KCNJ15: variants seen among roughly 807,000 people sequenced by gnomAD.
KCNJ15 encodes ATP-sensitive inward rectifier potassium channel 15.
In KCNJ15, 14 loss-of-function variants were observed where a neutral mutation model predicts 23.0. That is an observed-to-expected ratio of 0.61 (90% CI 0.40 to 0.95). The LOEUF (loss-of-function observed/expected upper bound fraction) is 0.95, where lower values mean the gene tolerates loss of function less well. Among genes scored for constraint, KCNJ15 ranks in the 40% least tolerant of loss-of-function variants. The pLI, the probability that KCNJ15 is intolerant of heterozygous loss-of-function variation, is 0.00. For synonymous variants in KCNJ15, 185 were observed against 183.2 expected (o/e 1.01, Z -0.08); for missense variants, 388 against 461.8 (o/e 0.84, Z 1.46).
chr21:38,306,476 C>T lies in KCNJ15; in HGVS notation c.*6087C>T, dbSNP rs544503706. 2 of 152,004 alleles carry T rather than the reference C, an allele frequency of 1.3e-5. No individual in the cohort carries two copies. Among genetic ancestry groups the T allele is most frequent in the Non-Finnish European group, 2.9e-5 (2 of 68,004 alleles). 9.4% of individuals were successfully genotyped at this position (152,004 alleles called of 1,614,324 possible). A position where few individuals can be genotyped will look rare whatever the true frequency, so the allele number is the denominator to read the frequency against. ...CTTAATATTATAGAAGAGTAAAGAG[C>T]TTCCAAGAAGGTGATTGGAGGGAAG... On this transcript the variant is annotated 3_prime_UTR_variant, in exon 3 of 3. Transcript: ENST00000398938.
chr21:38,289,645 A>G lies in KCNJ15; in HGVS notation c.-116-7281A>G, dbSNP rs375777869. Among the ~76,000 whole-genome samples, 852 of 152,318 alleles carry G rather than the reference A, an allele frequency of 5.6e-3. 3 individuals are homozygous for G. The highest frequency in any genetic ancestry group is 9.7e-3 in the Non-Finnish European group (657 of 68,012). On this transcript the variant is annotated intron_variant, in intron 1 of 2. Transcript: ENST00000398938. The stretch of plus-strand genomic sequence containing the variant: ...CTACTTAGGAAGCTAAGGAAGGAGA[A>G]TCGCTTGAATCTGGGAGGCAGGGGT...
chr21:38,231,960 C>T (rs1978321698), intron 1 of KCNJ15, among the ~76,000 whole-genome samples: 1 of 151,680 alleles, frequency 6.6e-6, no homozygotes, highest in Admixed American at 6.6e-5. Flanking sequence ...GTCCATATAA[C>T]CAACCTCATA....
intron 1 of KCNJ15, among the ~76,000 whole-genome samples, chr21:38,249,046 C>T (rs1450361869): frequency 6.6e-6 from 1 of 152,094 alleles, no homozygotes; most frequent in East Asian, 1.9e-4. Context: ...TAGCTAAGAC[C>T]AAACCTACAT....
At chr21:38,235,424 C>T (rs150306689) in intron 1 of KCNJ15, among the ~76,000 whole-genome samples, 2,910 of 152,030 alleles carry the variant, frequency 0.019, 87 homozygotes, top group African/African-American at 0.064. Flanking sequence ...CGTCGTGGCA[C>T]GCGCCTGTAA....
intron 1 of KCNJ15, among the ~76,000 whole-genome samples, chr21:38,276,493 T>A (rs1470480754): frequency 6.6e-6 from 1 of 152,118 alleles, no homozygotes; most frequent in Non-Finnish European, 1.5e-5. Flanking sequence ...AATAGCATGT[T>A]AGAAACTGGG....
rs1382834385 is a variant in KCNJ15 at position 38,304,003 on chromosome 21, A to G, written c.*3614A>G. 1 of 151,420 alleles carries G rather than the reference A, an allele frequency of 6.6e-6. No homozygotes were observed. The highest frequency in any genetic ancestry group is 6.6e-5 in the Admixed American group (1 of 15,210). The allele number at this position is 151,420 out of a possible 1,614,324, so 9.4% of individuals were successfully genotyped here. A position where few individuals can be genotyped will look rare whatever the true frequency, so the allele number is the denominator to read the frequency against. ...CACAGTGAATACTCTCACGCTCTCA[A>G]TTTTGGCTTTCATTCTTGCTAGACT... On this transcript the variant is annotated 3_prime_UTR_variant, in exon 3 of 3. Transcript: ENST00000398938.
chr21:38,231,942 G>A (rs2123533001), intron 1 of KCNJ15, among the ~76,000 whole-genome samples: 1 of 151,754 alleles, frequency 6.6e-6, no homozygotes, highest in South Asian at 2.1e-4. Flanking sequence ...GATATCTTTT[G>A]TTTTTGTGTC....
intron 1 of KCNJ15, among the ~76,000 whole-genome samples, chr21:38,285,213 C>T (rs1366949665): frequency 2.0e-5 from 3 of 152,118 alleles, no homozygotes; most frequent in Admixed American, 6.5e-5. Context: ...GCTGTTCATC[C>T]GTGGTAAATG....
Position 38,300,020 on chromosome 21 carries a change from A to G in KCNJ15, c.759A>G (p.Thr253=). ...SESPFLILPM[T]FYHVLDETSP... is the part of the protein sequence containing the mutation. Reference sequence around the variant, plus strand: ...GCCCCTTCCTCATTCTGCCCATGACATTCTACCATGTGCTGGATGAGACGA... The same window carrying G: ...GCCCCTTCCTCATTCTGCCCATGACGTTCTACCATGTGCTGGATGAGACGA... The change falls in exon 3 of 3, where the codon ACA becomes ACG. Residue 253 remains threonine (T), a synonymous_variant. Transcript: ENST00000398938. 1 of 1,614,030 alleles carries G rather than the reference A, an allele frequency of 6.2e-7. No individual in the cohort carries two copies. The highest frequency in any genetic ancestry group is 1.1e-5 in the South Asian group (1 of 91,072).
rs372063559 is a variant in KCNJ15, at chr21:38,299,291, C to T, written c.30C>T (p.Ser10=). 9.3e-6 allele frequency: 15 copies of T among 1,613,854 alleles called. No individual in the cohort carries two copies. Among genetic ancestry groups the T allele is most frequent in the Non-Finnish European group, 1.2e-5 (14 of 1,179,812 alleles). The change falls in exon 3 of 3, where the codon AGC becomes AGT. Residue 10 remains serine, a synonymous_variant. Coordinates refer to ENST00000398938, the MANE Select transcript of KCNJ15 (RefSeq NM_170736.3). This position sits in a 1 kb window ranked among gnomAD's most constrained non-coding sequence, Gnocchi z 4.5. Reference sequence around the variant, plus strand: ...ATGCCATTCACATCGGCATGTCCAGCACCCCCCTGGTGAAGCACACTGCTG... The same window carrying T: ...ATGCCATTCACATCGGCATGTCCAGTACCCCCCTGGTGAAGCACACTGCTG... MDAIHIGMS[S]TPLVKHTAGA... is the part of the protein sequence containing the mutation.
At chr21:38,246,779 T>C (rs1979399703) in intron 1 of KCNJ15, among the ~76,000 whole-genome samples, 1 of 152,180 alleles carries the variant, frequency 6.6e-6, no homozygotes, top group Non-Finnish European at 1.5e-5. Context: ...AAGGGAGCTG[T>C]TATTTACCTG....
At chr21:38,245,341 TA>T (rs910742079) in intron 1 of KCNJ15, among the ~76,000 whole-genome samples, 253 of 145,734 alleles carry the variant, frequency 1.7e-3, no homozygotes, top group East Asian at 3.2e-3. Context: ...TCTTGGACAT[TA>T]AAAAAAAAAA....
intron 1 of KCNJ15, among the ~76,000 whole-genome samples, chr21:38,282,612 T>C (rs1744904563): frequency 6.6e-6 from 1 of 152,274 alleles, no homozygotes; most frequent in African/African-American, 2.4e-5. Context: ...CTCTCTGGGA[T>C]TCCTCTCTGA....
At chr21:38,273,648 A>C (rs1308918301) in intron 1 of KCNJ15, among the ~76,000 whole-genome samples, 1 of 152,270 alleles carries the variant, frequency 6.6e-6, no homozygotes, top group Non-Finnish European at 1.5e-5. Flanking sequence ...TTAAAATCAG[A>C]ATGGTCCATA....
At position 38,302,513 on chromosome 21, in the gene KCNJ15, T is replaced by C. The variant is rs965698722; in HGVS notation, c.*2124T>C. On this transcript the variant is annotated 3_prime_UTR_variant, in exon 3 of 3. Coordinates refer to ENST00000398938, the MANE Select transcript of KCNJ15 (RefSeq NM_170736.3). ...TTTTCCTTGTCTGTTGATAATTTTA[T>C]GGAAGGTTGCTTTAGATCTCCATTC... 1 of 125,960 alleles carries C rather than the reference T, an allele frequency of 7.9e-6. No individual in the cohort carries two copies. The highest frequency in any genetic ancestry group is 1.6e-5 in the Non-Finnish European group (1 of 61,008). The allele number at this position is 125,960 out of a possible 1,614,324, so 7.8% of individuals were successfully genotyped here.
intron 1 of KCNJ15, among the ~76,000 whole-genome samples, chr21:38,232,819 G>A (rs1978361431): frequency 6.6e-6 from 1 of 151,724 alleles, no homozygotes. Context: ...AATATACTTT[G>A]CATTATTCAA....
intron 1 of KCNJ15, among the ~76,000 whole-genome samples, chr21:38,275,822 C>T (rs1050503875): frequency 1.3e-5 from 2 of 152,198 alleles, no homozygotes; most frequent in African/African-American, 2.4e-5. Flanking sequence ...CTGGGCAATT[C>T]CCCTTGTCTG....
chr21:38,267,710 G>A (rs1283292958), intron 1 of KCNJ15, among the ~76,000 whole-genome samples: 1 of 152,214 alleles, frequency 6.6e-6, no homozygotes, highest in Non-Finnish European at 1.5e-5. Flanking sequence ...CAGATGAAAA[G>A]CCTGAGAGAA....
chr21:38,288,581 A>G (rs949286620), intron 1 of KCNJ15, among the ~76,000 whole-genome samples: 2 of 151,846 alleles, frequency 1.3e-5, no homozygotes, highest in African/African-American at 2.4e-5. Context: ...ATTGTTACCC[A>G]TATTTATAAA....
Sources: allele counts gnomAD v4.1 joint callset (sites outside exome capture counted in the v4.1 genomes callset), GRCh38; gene constraint gnomAD v4.1.1; non-coding constraint Gnocchi (gnomAD v3.1); transcripts MANE v1.5; gene names NCBI Gene and HGNC (gene_info 2026-07-23, HGNC 2026-07-21).